The following MCU variants were observed in gnomAD, a reference collection of about 807,000 sequenced individuals.
The protein encoded by MCU is mitochondrial calcium uniporter, also known as calcium uniporter protein, mitochondrial.
In MCU, 12 loss-of-function variants were observed where a neutral mutation model predicts 45.2. The observed-to-expected ratio is 0.27, with a 90% CI of 0.17 to 0.43. The LOEUF (loss-of-function observed/expected upper bound fraction) is 0.43. Ranked by LOEUF, MCU falls within the 20% of genes least tolerant of loss-of-function variation. The pLI is 1.00. For synonymous variants in MCU, 160 were observed against 165.1 expected, an observed-to-expected ratio of 0.97 and a Z score of 0.24; for missense variants, 324 against 436.7, an observed-to-expected ratio of 0.74 and a Z score of 2.30.
chr10:72,798,974 C>A (rs1346950097), intron 1 of MCU, among the ~76,000 whole-genome samples: 1 of 152,144 alleles, frequency 6.6e-6, no homozygotes, highest in Admixed American at 6.5e-5. Context: ...GACGGAGTCT[C>A]ACTCTGTCAC....
At chr10:72,859,854 T>C (rs528710375) in intron 3 of MCU, 3 of 152,402 alleles carry the variant, frequency 2.0e-5, no homozygotes, top group Non-Finnish European at 2.9e-5. Flanking sequence ...ATTTTTACTT[T>C]AAAATTTTTC....
intron 1 of MCU, among the ~76,000 whole-genome samples, chr10:72,831,786 T>A (rs1844882568): frequency 6.6e-6 from 1 of 152,138 alleles, no homozygotes; most frequent in Non-Finnish European, 1.5e-5. Context: ...AACAGTATTC[T>A]AAGCAAAGGT....
Position 72,692,202 on chromosome 10 carries a change from C to T in MCU, c.51C>T (p.Gly17=), listed in dbSNP as rs755691155. The part of the protein sequence containing the change: ...RSLLLLLSSR[G]GGGGGAGGCG... ...TCCTGCTGCTCCTCTCCTCTCGGGG[C>T]GGCGGCGGCGGGGGCGCCGGCGGCT... Residue 17 remains glycine, a synonymous_variant, in exon 1 of 8, where the codon GGC becomes GGT. Coordinates refer to ENST00000373053, the MANE Select transcript of MCU (RefSeq NM_138357.3). 15 of 1,253,422 alleles carry T rather than the reference C, an allele frequency of 1.2e-5. No homozygotes were observed. In the Admixed American group the frequency reaches 4.6e-4, roughly 38 times the overall value. The allele number at this position is 1,253,422 out of a possible 1,614,324, so 77.6% of individuals were successfully genotyped here.
In MCU at chr10:72,704,704, ATTTTTTTTTTTTTT is replaced by A. The variant is rs1162093579; in HGVS notation, c.150+12418_150+12431del. Among the ~76,000 whole-genome samples, 4 of 106,740 alleles carry A rather than the reference ATTTTTTTTTTTTTT, an allele frequency of 3.7e-5. No homozygotes were observed. The East Asian group carries it at 1.1e-3, about 28-fold the overall frequency. The allele number at this position is 106,740 out of a possible 152,430, so 70.0% of individuals were successfully genotyped here. ...AGGCATGCACTGTCATGCCTGGATA[ATTTTTTTTTTTTTT>A]TTTTTTTTTTTTTTGAGACGGAGTC... is the stretch of plus-strand genomic sequence containing the variant. On this transcript the variant is annotated intron_variant, in intron 1 of 7. Coordinates refer to ENST00000373053, the MANE Select transcript of MCU (RefSeq NM_138357.3).
At chr10:72,765,669 C>T (rs953848316) in intron 1 of MCU, among the ~76,000 whole-genome samples, 5 of 151,182 alleles carry the variant, frequency 3.3e-5, no homozygotes, top group Admixed American at 3.3e-4. Flanking sequence ...TGGCACGTAT[C>T]TCTGGTGCCA....
intron 1 of MCU, among the ~76,000 whole-genome samples, chr10:72,741,823 T>G (rs1843335759): frequency 6.6e-6 from 1 of 151,962 alleles, no homozygotes. Context: ...CATCAGGAGA[T>G]CGAGACCATC....
At chr10:72,846,144 G>A (rs190443053) in intron 2 of MCU, among the ~76,000 whole-genome samples, 1 of 152,184 alleles carries the variant, frequency 6.6e-6, no homozygotes, top group Non-Finnish European at 1.5e-5. Flanking sequence ...CCAGGTTCAA[G>A]CACTTCTCCT....
intron 1 of MCU, among the ~76,000 whole-genome samples, chr10:72,779,175 G>A (rs533731338): frequency 6.6e-6 from 1 of 152,184 alleles, no homozygotes; most frequent in Admixed American, 6.5e-5. Context: ...TCACCATATT[G>A]GCCAGGATGG....
intron 1 of MCU, among the ~76,000 whole-genome samples, chr10:72,722,285 C>T (rs1205178106): frequency 7.7e-6 from 1 of 130,098 alleles, no homozygotes; most frequent in African/African-American, 2.9e-5. Flanking sequence ...CTTTGCACTC[C>T]AGCCTGGGCA....
At chr10:72,774,451 G>A (rs551500532) in intron 1 of MCU, among the ~76,000 whole-genome samples, 161 of 152,176 alleles carry the variant, frequency 1.1e-3, no homozygotes, top group Non-Finnish European at 2.0e-3. Flanking sequence ...CAGATTACTA[G>A]GGAAAGTCAC....
At chr10:72,698,486 G>T (rs2132645472) in intron 1 of MCU, among the ~76,000 whole-genome samples, 1 of 152,272 alleles carries the variant, frequency 6.6e-6, no homozygotes, top group South Asian at 2.1e-4. Flanking sequence ...AATATCTCAG[G>T]ATAGCTGTTA....
intron 1 of MCU, among the ~76,000 whole-genome samples, chr10:72,759,793 G>GTGCC (rs1428353849): frequency 6.6e-6 from 1 of 152,086 alleles, no homozygotes; most frequent in African/African-American, 2.4e-5. Context: ...TATAGGGCTG[G>GTGCC]TGCCTGTTTA....
intron 1 of MCU, among the ~76,000 whole-genome samples, chr10:72,820,791 C>T (rs937646470): frequency 2.0e-5 from 3 of 152,136 alleles, no homozygotes; most frequent in South Asian, 2.1e-4. Context: ...GAATTACAGG[C>T]GTGAGCCACC....
intron 1 of MCU, among the ~76,000 whole-genome samples, chr10:72,739,340 G>A (rs1843294133): frequency 6.6e-6 from 1 of 152,084 alleles, no homozygotes; most frequent in Admixed American, 6.5e-5. Context: ...TAGCACAACT[G>A]GAATCTCGTT....
intron 1 of MCU, among the ~76,000 whole-genome samples, chr10:72,804,214 G>A (rs1247304534): frequency 6.6e-6 from 1 of 150,574 alleles, no homozygotes; most frequent in African/African-American, 2.4e-5. Flanking sequence ...AGCCTCCCAA[G>A]TAGCTGGGAT....
intron 1 of MCU, chr10:72,692,605 G>C: frequency 2.7e-6 from 3 of 1,097,322 alleles, no homozygotes; most frequent in Non-Finnish European, 3.3e-6. Flanking sequence ...GCCCCCAATC[G>C]CGTTCCCTCC....
intron 1 of MCU, among the ~76,000 whole-genome samples, chr10:72,719,229 C>A (rs1474778514): frequency 1.3e-5 from 2 of 151,968 alleles, no homozygotes; most frequent in Non-Finnish European, 2.9e-5. Context: ...GCAAATGAAC[C>A]TTTTATCTTA....
chr10:72,791,119 T>C (rs1056128056), intron 1 of MCU, among the ~76,000 whole-genome samples: 2 of 152,228 alleles, frequency 1.3e-5, no homozygotes, highest in Non-Finnish European at 2.9e-5. Flanking sequence ...CATCTTCTCA[T>C]TGTTAAGAGG....
chr10:72,732,437 A>C (rs919339304), intron 1 of MCU, among the ~76,000 whole-genome samples: 2 of 152,228 alleles, frequency 1.3e-5, no homozygotes, highest in African/African-American at 4.8e-5. Flanking sequence ...GCTGATCAGC[A>C]AGAGATTAAA....
Sources: gnomAD v4.1 joint callset for allele counts (sites outside exome capture counted in the v4.1 genomes callset) on GRCh38, gnomAD v4.1.1 for gene constraint, MANE v1.5 for transcripts, NCBI Gene and HGNC (gene_info 2026-07-23, HGNC 2026-07-21) for gene names.